The following SLC40A1 variants were observed in gnomAD, a reference collection of about 807,000 sequenced individuals.
The protein encoded by SLC40A1 is solute carrier family 40 member 1.
SLC40A1 carries 16 observed loss-of-function variants against 53.5 expected under a neutral mutation model. The observed-to-expected ratio is 0.30, with a 90% confidence interval of 0.20 to 0.45. The LOEUF (loss-of-function observed/expected upper bound fraction) is 0.45. Among genes scored for constraint, SLC40A1 ranks in the 20% least tolerant of loss-of-function variants. SLC40A1 has a pLI of 1.00. For missense variants in SLC40A1, 545 were observed against 695.4 expected (o/e 0.78, Z 2.43); for synonymous variants, 247 against 253.2 (o/e 0.98, Z 0.23).
At chr2:189,576,236 A>G (rs2031281963) in intron 2 of SLC40A1, among the ~76,000 whole-genome samples, 1 of 152,168 alleles carries the variant, frequency 6.6e-6, no homozygotes, top group Non-Finnish European at 1.5e-5. Flanking sequence ...ATCATAACTT[A>G]TCTCTGGGAA....
At position 189,571,674 on chromosome 2, in the gene SLC40A1, T is replaced by C. The variant is rs1297124369; in HGVS notation, c.514+41A>G. The C allele has an allele frequency of 9.3e-6, 15 of 1,605,338 alleles. No homozygotes were observed. The Admixed American group carries it at 2.6e-4, about 27-fold the overall frequency. On this transcript the variant is annotated intron_variant, in intron 5 of 7. Coordinates refer to ENST00000261024, the MANE Select transcript of SLC40A1 (RefSeq NM_014585.6). ...TTTATCACCACCGATTTAAAGTGAA[T>C]CCTAACATGCTCATTTCATTAAAAG...
At chr2:189,579,507 T>C (rs529822232) in intron 2 of SLC40A1, among the ~76,000 whole-genome samples, 13 of 152,360 alleles carry the variant, frequency 8.5e-5, no homozygotes, top group South Asian at 8.3e-4. Context: ...GATATGTCTA[T>C]TTACCAAAGC....
Position 189,565,401 on chromosome 2 carries a change from C to T in SLC40A1, c.713G>A (p.Gly238Asp). ...QKTPALAVKAGLKEEETELKQ... is the reference protein window; with the variant it reads ...QKTPALAVKADLKEEETELKQ... ...CAATTCAGTTTCCTCTTCTTTAAGA[C>T]CAGCTTTCACAGCTAGAGCTGGGGT... Residue 238 changes from glycine to aspartate, a missense_variant, in exon 6 of 8, where the codon GGT becomes GAT. This residue lies in a region of SLC40A1 where 107 missense variants were observed against 91.0 expected (regional missense o/e 1.18). Transcript: ENST00000261024. 6.2e-7 allele frequency: 1 copy of T among 1,614,236 alleles called. No homozygotes were observed. The highest frequency in any genetic ancestry group is 8.5e-7 in the Non-Finnish European group (1 of 1,180,020).
At chr2:189,578,415 A>G in intron 2 of SLC40A1, 1 of 987,406 alleles carries the variant, frequency 1.0e-6, no homozygotes, top group Non-Finnish European at 1.2e-6. Context: ...ACATGACAAA[A>G]TATCCTCCTG....
chr2:189,572,602 G>C (rs1383440025), intron 4 of SLC40A1: 3 of 567,426 alleles, frequency 5.3e-6, no homozygotes, highest in Non-Finnish European at 9.4e-6. Context: ...GAATTCTATA[G>C]TAAACTCTTA....
intron 7 of SLC40A1, among the ~76,000 whole-genome samples, chr2:189,562,406 G>C (rs186752257): frequency 2.0e-5 from 3 of 152,038 alleles, no homozygotes; most frequent in African/African-American, 7.2e-5. Flanking sequence ...ACAGTCATCA[G>C]ACAAAAAGAA....
At chr2:189,580,158 TG>T (rs2031409670) in intron 1 of SLC40A1, among the ~76,000 whole-genome samples, 1 of 102,066 alleles carries the variant, frequency 9.8e-6, no homozygotes, top group Non-Finnish European at 2.4e-5. Flanking sequence ...TTGGGTTGGT[TG>T]GTTTGTTTGT....
intron 5 of SLC40A1, among the ~76,000 whole-genome samples, chr2:189,566,005 A>G (rs57782175): frequency 0.52 from 79,600 of 152,066 alleles, 23,553 homozygotes; most frequent in East Asian, 0.79. Context: ...GAAAGAAAAG[A>G]CAATAAATCA....
intron 4 of SLC40A1, among the ~76,000 whole-genome samples, 185 bp from the exon 5 acceptor site, chr2:189,572,026 T>C (rs2031144566): frequency 1.3e-5 from 2 of 152,198 alleles, no homozygotes; most frequent in Non-Finnish European, 2.9e-5. Context: ...TCAATGGGCA[T>C]AATGTCCTAA....
intron 6 of SLC40A1, among the ~76,000 whole-genome samples, chr2:189,564,795 G>A (rs543327327): frequency 4.6e-5 from 7 of 152,186 alleles, no homozygotes; most frequent in South Asian, 2.1e-4. Flanking sequence ...AGCCAAGATC[G>A]CGCCACTGCA....
At chr2:189,574,297 G>T (rs1250171892) in intron 3 of SLC40A1, among the ~76,000 whole-genome samples, 1 of 152,044 alleles carries the variant, frequency 6.6e-6, no homozygotes, top group Non-Finnish European at 1.5e-5. Flanking sequence ...CTAGATTACA[G>T]AACTTTTCTC....
At position 189,579,858 on chromosome 2, in the gene SLC40A1, G is replaced by A; in HGVS notation, c.66C>T (p.Thr22=). 1 of 1,614,194 alleles carries A rather than the reference G, an allele frequency of 6.2e-7. No homozygotes were observed. Among genetic ancestry groups the A allele is most frequent in the Non-Finnish European group, 8.5e-7 (1 of 1,180,040 alleles). The part of the protein sequence containing the change: ...GCCGSLADYL[T]SAKFLLYLGH... ...CAAGGTAGAGAAGGAATTTTGCAGA[G>A]GTCAGGTAGTCGGCCAAGGATCCTG... Residue 22 remains threonine, a synonymous_variant, in exon 2 of 8, where the codon ACC becomes ACT. Transcript: ENST00000261024.
Position 189,575,145 on chromosome 2 carries a change from A to G in SLC40A1, c.271+16T>C. The G allele has an allele frequency of 6.2e-7, 1 of 1,613,864 alleles. No individual in the cohort carries two copies. Among genetic ancestry groups the G allele is most frequent in the Non-Finnish European group, 8.5e-7 (1 of 1,179,782 alleles). On this transcript the variant is annotated intron_variant, in intron 3 of 7. Transcript: ENST00000261024. ...GTCCCATGAATAAAAGGGCTTAATT[A>G]TATAACAACACTCACCTTTAAGTCT... is the stretch of plus-strand genomic sequence containing the variant.
chr2:189,578,826 C>A (rs1421350728), intron 2 of SLC40A1, among the ~76,000 whole-genome samples: 1 of 152,164 alleles, frequency 6.6e-6, no homozygotes, highest in Non-Finnish European at 1.5e-5. Flanking sequence ...TCTTAGAGAA[C>A]CAATAATGTA....
intron 2 of SLC40A1, among the ~76,000 whole-genome samples, chr2:189,579,110 G>A (rs1028694135): frequency 7.9e-5 from 12 of 151,998 alleles, no homozygotes; most frequent in Non-Finnish European, 1.2e-4. Flanking sequence ...ATTATTTTTC[G>A]GAGAGAGTTT....
chr2:189,568,184 T>TA (rs757056097), intron 5 of SLC40A1, among the ~76,000 whole-genome samples: 161 of 130,618 alleles, frequency 1.2e-3, no homozygotes, highest in Middle Eastern at 3.9e-3. Context: ...AATGGATAAT[T>TA]AAAAAAAAAA....
At chr2:189,563,504 A>G (rs951909814) in intron 7 of SLC40A1, 80 bp downstream of exon 7, 2 of 1,335,000 alleles carry the variant, frequency 1.5e-6, no homozygotes, top group African/African-American at 1.5e-5. Flanking sequence ...AACATTTCAG[A>G]TCATTTATTA....
intron 6 of SLC40A1, among the ~76,000 whole-genome samples, chr2:189,564,854 C>A (rs1255753389): frequency 1.3e-5 from 2 of 152,008 alleles, no homozygotes. Context: ...AAACAAAAAA[C>A]AACCAGCATA....
chr2:189,564,805 A>C (rs569812491), intron 6 of SLC40A1, among the ~76,000 whole-genome samples: 123 of 152,228 alleles, frequency 8.1e-4, no homozygotes, highest in Non-Finnish European at 1.4e-3. Context: ...GCGCCACTGC[A>C]CTCCAGCCTG....
Sources: gnomAD v4.1 joint callset for allele counts (sites outside exome capture counted in the v4.1 genomes callset) on GRCh38, gnomAD v4.1.1 for gene constraint, gnomAD v4.1.1 regional missense constraint, MANE v1.5 for transcripts, NCBI Gene and HGNC (gene_info 2026-07-23, HGNC 2026-07-21) for gene names.